Variants in LZTFL1 observed in about 807,000 individuals in gnomAD.
LZTFL1 encodes the protein leucine zipper transcription factor like 1.
A neutral mutation model predicts 45.9 loss-of-function variants in LZTFL1; 25 were observed. That is an observed-to-expected ratio of 0.54 (90% confidence interval 0.40 to 0.76). LZTFL1 has a LOEUF of 0.76. Ranked by LOEUF, LZTFL1 falls within the 30% of genes least tolerant of loss-of-function variation. The pLI is 0.00. For synonymous variants in LZTFL1, 93 were observed against 117.4 expected, an observed-to-expected ratio of 0.79 and a Z score of 1.35; for missense variants, 277 against 331.1, an observed-to-expected ratio of 0.84 and a Z score of 1.27.
chr3:45,913,332 AC>A (rs1261330569), intron 1 of LZTFL1, among the ~76,000 whole-genome samples: 1 of 151,000 alleles, frequency 6.6e-6, no homozygotes, highest in African/African-American at 2.4e-5. Flanking sequence ...CCTCATCCAC[AC>A]CTTTGACAAT....
At chr3:45,880,074 G>A (rs1247531821) in intron 2 of LZTFL1, among the ~76,000 whole-genome samples, 3 of 152,190 alleles carry the variant, frequency 2.0e-5, no homozygotes, top group Non-Finnish European at 4.4e-5. Flanking sequence ...GCAGAGCTGA[G>A]GGTGGATCCT....
At chr3:45,828,713 A>T in intron 7 of LZTFL1, 98 bp from the exon 8 acceptor site, 3 of 1,119,760 alleles carry the variant, frequency 2.7e-6, no homozygotes, top group South Asian at 3.0e-5. Context: ...GAAAAAAATG[A>T]TGTATGTTTT....
At chr3:45,831,831 AT>A (rs372146657) in intron 5 of LZTFL1, among the ~76,000 whole-genome samples, 5 of 152,260 alleles carry the variant, frequency 3.3e-5, no homozygotes, top group African/African-American at 9.6e-5. Context: ...ACCTACTGTT[AT>A]CCACACACAA....
chr3:45,900,861 A>G lies in LZTFL1; in HGVS notation c.-215+12259T>C. 6.2e-7 allele frequency: 1 copy of G among 1,614,106 alleles called. No homozygotes were observed. Among genetic ancestry groups the G allele is most frequent in the Non-Finnish European group, 8.5e-7 (1 of 1,179,974 alleles). On this transcript the variant is annotated intron_variant, in intron 2 of 4. Coordinates refer to the LZTFL1 transcript ENST00000472635. The surrounding 1 kb of genome is among the most constrained non-coding windows in gnomAD (Gnocchi z 4.7). ...CTATGGCTCTGAATCCACATCTTCC[A>G]TGGAAGACTACGTTAACTTCAACTT... is the stretch of plus-strand genomic sequence containing the variant.
rs576567615 is a variant in LZTFL1 at position 45,860,378 on chromosome 3, T to G, written c.-214-1362A>C. On this transcript the variant is annotated intron_variant, in intron 2 of 4. Coordinates refer to the LZTFL1 transcript ENST00000472635. The stretch of plus-strand genomic sequence containing the variant: ...TGTGTGTGTGTATATGTGTGTGTGT[T>G]AGTTGGGAAGAACAGCAGTGAAAAG... Among the ~76,000 whole-genome samples the G allele has an allele frequency of 7.2e-5, 11 of 152,044 alleles. No homozygotes were observed. The East Asian group carries it at 9.6e-4, about 13-fold the overall frequency.
chr3:45,824,946 T>C lies in LZTFL1; in HGVS notation c.*1368A>G. 1 of 398,368 alleles carries C rather than the reference T, an allele frequency of 2.5e-6. No individual in the cohort carries two copies. The allele number at this position is 398,368 out of a possible 1,614,324, so 24.7% of individuals were successfully genotyped here. A position where few individuals can be genotyped will look rare whatever the true frequency, so the allele number is the denominator to read the frequency against. On this transcript the variant is annotated 3_prime_UTR_variant, in exon 10 of 10. Transcript: ENST00000296135. ...ATTGCATTTTATTCTCTCCCTTCTC[T>C]CATCCATTCATCTTCTTAAGACTGC...
chr3:45,874,542 C>T (rs1304751132), intron 2 of LZTFL1, among the ~76,000 whole-genome samples: 1 of 152,186 alleles, frequency 6.6e-6, no homozygotes, highest in African/African-American at 2.4e-5. Flanking sequence ...GAGAGGCCTT[C>T]TCCCATCTGA....
chr3:45,858,180 T>G (rs1207811664), intron 3 of LZTFL1, among the ~76,000 whole-genome samples: 1 of 152,236 alleles, frequency 6.6e-6, no homozygotes, highest in Non-Finnish European at 1.5e-5. Flanking sequence ...AATAGTAGAT[T>G]AAAAATAAAT....
At chr3:45,874,496 C>G (rs72883080) in intron 2 of LZTFL1, among the ~76,000 whole-genome samples, 4 of 152,150 alleles carry the variant, frequency 2.6e-5, no homozygotes, top group Non-Finnish European at 5.9e-5. Context: ...TCTTCCTTCT[C>G]ATACTTCAGC....
intron 2 of LZTFL1, among the ~76,000 whole-genome samples, chr3:45,872,526 G>A (rs375285063): frequency 5.9e-5 from 9 of 152,146 alleles, no homozygotes; most frequent in African/African-American, 1.7e-4. Flanking sequence ...ACAGGGGATG[G>A]GTTGGTGAGC....
chr3:45,860,588 A>G (rs1416575526), intron 2 of LZTFL1, among the ~76,000 whole-genome samples: 2 of 152,146 alleles, frequency 1.3e-5, no homozygotes, highest in Non-Finnish European at 2.9e-5. Context: ...TTTGCCTGAA[A>G]TTAATCTCAT....
At position 45,833,066 on chromosome 3, in the gene LZTFL1, G is replaced by C. The variant is rs1245151586; in HGVS notation, c.440C>G (p.Ala147Gly). The change falls in exon 5 of 10, where the codon GCA becomes GGA. Residue 147 changes from alanine (A) to glycine (G), a missense_variant. Coordinates refer to ENST00000296135, the MANE Select transcript of LZTFL1 (RefSeq NM_020347.4). ...KLAPLNEGGTAELLNKEILRL... is the reference protein window; with the variant it reads ...KLAPLNEGGTGELLNKEILRL... The stretch of plus-strand genomic sequence containing the variant: ...TAATATTACCTTGTTTAGGAGTTCT[G>C]CTGTTCCACCTTCATTAAGTGGAGC... 6.2e-7 allele frequency: 1 copy of C among 1,612,806 alleles called. No individual in the cohort carries two copies. Among genetic ancestry groups the C allele is most frequent in the Non-Finnish European group, 8.5e-7 (1 of 1,179,048 alleles).
At chr3:45,913,427 C>T (rs920527944) in intron 1 of LZTFL1, among the ~76,000 whole-genome samples, 31 of 152,026 alleles carry the variant, frequency 2.0e-4, no homozygotes, top group African/African-American at 6.5e-4. Flanking sequence ...AATTGAAACA[C>T]AATTCTCCAA....
At chr3:45,910,262 G>A (rs1702767630) in intron 2 of LZTFL1, among the ~76,000 whole-genome samples, 1 of 152,182 alleles carries the variant, frequency 6.6e-6, no homozygotes. Context: ...CGGAGTTGGA[G>A]TGACGGTGGT....
intron 4 of LZTFL1, 68 bp downstream of exon 4, chr3:45,834,170 C>A: frequency 1.2e-6 from 1 of 866,048 alleles, no homozygotes; most frequent in Non-Finnish European, 1.8e-6. Context: ...TCTCTGAATT[C>A]TTTGAGCAAC....
chr3:45,902,637 A>G (rs1702594994), intron 2 of LZTFL1: 2 of 167,130 alleles, frequency 1.2e-5, no homozygotes, highest in South Asian at 2.1e-4. Context: ...ATTCCTTGGT[A>G]TGGTGACAGT....
chr3:45,854,764 T>C (rs898861281), intron 4 of LZTFL1, among the ~76,000 whole-genome samples: 4 of 152,234 alleles, frequency 2.6e-5, no homozygotes, highest in Admixed American at 2.6e-4. Context: ...TATCTGCCAA[T>C]GAGATGATTC....
chr3:45,878,732 C>G (rs1243310344), intron 2 of LZTFL1, among the ~76,000 whole-genome samples: 3 of 152,018 alleles, frequency 2.0e-5, no homozygotes, highest in Non-Finnish European at 4.4e-5. Context: ...ACTCTTAAAA[C>G]TCAACAATAA....
In LZTFL1 at chr3:45,912,744, T is replaced by C. The variant is rs142507330; in HGVS notation, c.-215+376A>G. Among the ~76,000 whole-genome samples, 231 of 152,318 alleles carry C rather than the reference T, an allele frequency of 1.5e-3. 1 individual carries two copies. The highest frequency in any genetic ancestry group is 2.3e-3 in the Non-Finnish European group (159 of 68,032). On this transcript the variant is annotated intron_variant, in intron 2 of 4. Coordinates refer to the LZTFL1 transcript ENST00000472635. ...CATGTGGGAGCACAGCCTCAATGCG[T>C]AGCTGACCACGGGCAGACAAGGGAG...
Sources: gnomAD v4.1 joint callset for allele counts (sites outside exome capture counted in the v4.1 genomes callset) on GRCh38, gnomAD v4.1.1 for gene constraint, Gnocchi (gnomAD v3.1) non-coding constraint, MANE v1.5 for transcripts, NCBI Gene and HGNC (gene_info 2026-07-23, HGNC 2026-07-21) for gene names.